The following PNPLA4 variants were observed in gnomAD, a reference collection of about 807,000 sequenced individuals.
The protein encoded by PNPLA4 is patatin like domain 4, phospholipase and triacylglycerol lipase.
In PNPLA4, 15 loss-of-function variants were observed where a neutral mutation model predicts 18.3. That is an observed-to-expected ratio of 0.82 (90% CI 0.55 to 1.26). PNPLA4 has a LOEUF of 1.26. PNPLA4 is among the 50% of genes most tolerant of loss of function. PNPLA4 has a pLI of 0.00. For synonymous variants in PNPLA4, 88 were observed against 85.6 expected (o/e 1.03, Z -0.16); for missense variants, 229 against 196.8 (o/e 1.16, Z -0.98).
chrX:7,920,553 C>T (rs1455392251), intron 4 of PNPLA4, among the ~76,000 whole-genome samples: 5 of 112,166 alleles, frequency 4.5e-5, no homozygotes, highest in Admixed American at 2.8e-4. Flanking sequence ...TGACAGCATC[C>T]GAATATATGG....
chrX:7,926,217 G>A (rs1924399563), intron 1 of PNPLA4, 85 bp from the exon 2 acceptor site: 3 of 642,309 alleles, frequency 4.7e-6, no homozygotes, highest in Non-Finnish European at 4.6e-6. Flanking sequence ...ATCGTTCCAA[G>A]GCTTTCTTCT....
chrX:7,917,637 T>C (rs867374197), intron 4 of PNPLA4, among the ~76,000 whole-genome samples: 4 of 112,147 alleles, frequency 3.6e-5, no homozygotes, highest in Non-Finnish European at 7.5e-5. Context: ...ATCTTATTTA[T>C]TCTGTACAGT....
Position 7,921,745 on chromosome X carries a change from A to G in PNPLA4, c.379T>C (p.Ser127Pro), listed in dbSNP as rs1924224075. 1.7e-6 allele frequency: 2 copies of G among 1,207,324 alleles called. No homozygotes were observed. Among genetic ancestry groups the G allele is most frequent in the Non-Finnish European group, 2.2e-6 (2 of 892,992 alleles). ...AGGTCCTCCCTGGAGGAAAAAGTGGAGACTAAGTGATTTTCTCTGGTTTTG... is the reference window on the plus strand; with the variant it reads ...AGGTCCTCCCTGGAGGAAAAAGTGGGGACTAAGTGATTTTCTCTGGTTTTG... ...NAKTRENHLV[S>P]TFSSREDLIK... Residue 127 changes from serine to proline, a missense_variant, in exon 4 of 7, where the codon TCC becomes CCC. Coordinates refer to ENST00000381042, the MANE Select transcript of PNPLA4 (RefSeq NM_004650.3).
At chrX:7,917,594 C>CT (rs1924084057) in intron 4 of PNPLA4, among the ~76,000 whole-genome samples, 1 of 111,822 alleles carries the variant, frequency 8.9e-6, no homozygotes, top group African/African-American at 3.3e-5. Context: ...GCATAAAGGG[C>CT]TTTATCATTT....
chrX:7,917,900 A>G (rs1171535869), intron 4 of PNPLA4, among the ~76,000 whole-genome samples: 1 of 112,332 alleles, frequency 8.9e-6, no homozygotes, highest in Admixed American at 9.5e-5. Context: ...TTTCAGGTAC[A>G]TAGGCACTCT....
intron 4 of PNPLA4, among the ~76,000 whole-genome samples, chrX:7,912,535 T>A (rs1923909462): frequency 8.9e-6 from 1 of 112,097 alleles, no homozygotes; most frequent in African/African-American, 3.2e-5. Flanking sequence ...TGTTCTCATT[T>A]ATGTCACCAG....
chrX:7,902,707 GGAGT>G lies in PNPLA4; in HGVS notation c.478-570_478-567del, dbSNP rs763532316. ...AGTGCTCTCAAGCCCACCGCAAAGG[GGAGT>G]GAGTGATGGAGAAGGCGGAGGACAG... On this transcript the variant is annotated intron_variant, in intron 5 of 6. Coordinates refer to ENST00000381042, the MANE Select transcript of PNPLA4 (RefSeq NM_004650.3). 1.6e-4 allele frequency among the ~76,000 whole-genome samples: 18 copies of G among 111,904 alleles called. 1 individual carries two copies. The East Asian group carries it at 5.1e-3, about 32-fold the overall frequency.
chrX:7,919,322 G>C (rs774216796), intron 4 of PNPLA4, among the ~76,000 whole-genome samples: 1 of 112,862 alleles, frequency 8.9e-6, no homozygotes, highest in South Asian at 3.7e-4. Context: ...GAAAATCCAG[G>C]TGTCGGCAGG....
chrX:7,912,600 A>C (rs1923911671), intron 4 of PNPLA4, among the ~76,000 whole-genome samples: 1 of 111,876 alleles, frequency 8.9e-6, no homozygotes, highest in Admixed American at 9.5e-5. Context: ...CAGGATATGT[A>C]ATGGAACCCT....
intron 2 of PNPLA4, among the ~76,000 whole-genome samples, chrX:7,925,162 G>C (rs1803938209): frequency 8.9e-6 from 1 of 112,456 alleles, no homozygotes; most frequent in Non-Finnish European, 1.9e-5. Context: ...GCTCACAAAA[G>C]ATCTGAAATG....
intron 4 of PNPLA4, among the ~76,000 whole-genome samples, chrX:7,913,968 C>T (rs1475947456): frequency 8.9e-6 from 1 of 112,357 alleles, no homozygotes; most frequent in Non-Finnish European, 1.9e-5. Context: ...CACAATGGGT[C>T]TTTTTTTCAT....
rs187880603 is a variant in PNPLA4, at chrX:7,900,388, T to C, written c.*298A>G. 2 of 138,960 alleles carry C rather than the reference T, an allele frequency of 1.4e-5. No homozygotes were observed. The highest frequency in any genetic ancestry group is 2.1e-4 in the East Asian group (1 of 4,824). 11.5% of individuals were successfully genotyped at this position (138,960 alleles called of 1,213,427 possible). A position where few individuals can be genotyped will look rare whatever the true frequency, so the allele number is the denominator to read the frequency against. ...GAACCTAAGTGGTGGCCCTCCATTT[T>C]CCATGTTCCTCAATTTACCCAAAGA... On this transcript the variant is annotated 3_prime_UTR_variant, in exon 7 of 7. Transcript: ENST00000381042.
chrX:7,926,007 G>A lies in PNPLA4; in HGVS notation c.113C>T (p.Ala38Val). ...HGKKLVKDVK[A>V]FAGASAGSLV... Reference sequence around the variant, plus strand: ...CGATCCCGCAGACGCCCCAGCGAAGGCTTTGACATCCTTCACAAGTTTTTT... The same window carrying A: ...CGATCCCGCAGACGCCCCAGCGAAGACTTTGACATCCTTCACAAGTTTTTT... Residue 38 changes from alanine (A) to valine (V), a missense_variant, in exon 2 of 7, where the codon GCC becomes GTC. Coordinates refer to ENST00000381042, the MANE Select transcript of PNPLA4 (RefSeq NM_004650.3). 3 of 1,211,693 alleles carry A rather than the reference G, an allele frequency of 2.5e-6. No individual in the cohort carries two copies. Among genetic ancestry groups the A allele is most frequent in the Non-Finnish European group, 3.4e-6 (3 of 895,198 alleles).
chrX:7,923,227 G>A (rs1197421615), intron 2 of PNPLA4, among the ~76,000 whole-genome samples: 2 of 111,742 alleles, frequency 1.8e-5, no homozygotes, highest in African/African-American at 6.5e-5. Context: ...AGATAATCCT[G>A]GATGACCTGG....
intron 4 of PNPLA4, among the ~76,000 whole-genome samples, chrX:7,921,295 G>A (rs1924207116): frequency 9.0e-6 from 1 of 110,503 alleles, no homozygotes; most frequent in African/African-American, 3.3e-5. Context: ...ACATAAAAGG[G>A]TCACAATAAC....
chrX:7,898,847 T>C lies in PNPLA4; in HGVS notation c.*1839A>G, dbSNP rs1378099157. 3.6e-5 allele frequency: 4 copies of C among 111,839 alleles called. 1 individual carries two copies. The highest frequency in any genetic ancestry group is 1.3e-4 in the African/African-American group (4 of 30,709). 9.2% of individuals were successfully genotyped at this position (111,839 alleles called of 1,213,427 possible). A position where few individuals can be genotyped will look rare whatever the true frequency, so the allele number is the denominator to read the frequency against. On this transcript the variant is annotated 3_prime_UTR_variant, in exon 7 of 7. Transcript: ENST00000381042. The stretch of plus-strand genomic sequence containing the variant: ...GTCGATACAAGATACTTCAAAAAAG[T>C]CTTATACAATGAGATTTGGTTTTGC...
chrX:7,927,708 T>A, upstream of PNPLA4: 1 of 113,035 alleles, frequency 8.8e-6, no homozygotes, highest in Middle Eastern at 4.6e-3. Context: ...TCATTTTCTG[T>A]GCCCCGGAAG....
intron 4 of PNPLA4, among the ~76,000 whole-genome samples, chrX:7,921,475 G>A (rs886267182): frequency 1.3e-4 from 15 of 111,832 alleles, no homozygotes; most frequent in African/African-American, 4.9e-4. Flanking sequence ...TCTGAACATT[G>A]CAGGAAAACA....
intron 2 of PNPLA4, among the ~76,000 whole-genome samples, chrX:7,923,957 G>A (rs1211170948): frequency 2.7e-5 from 3 of 111,659 alleles, no homozygotes; most frequent in Admixed American, 9.5e-5. Context: ...GCTCCTGGGT[G>A]AGAAATGGGG....
Sources: allele counts gnomAD v4.1 joint callset (sites outside exome capture counted in the v4.1 genomes callset), GRCh38; gene constraint gnomAD v4.1.1; transcripts MANE v1.5; gene names NCBI Gene and HGNC (gene_info 2026-07-23, HGNC 2026-07-21).